Variants in TEKT5 observed in about 807,000 individuals in gnomAD.
TEKT5 encodes the protein tektin-5.
A neutral mutation model predicts 48.7 loss-of-function variants in TEKT5; 52 were observed. The observed-to-expected ratio is 1.07, with a 90% CI of 0.86 to 1.35. The LOEUF is 1.35. Ranked by LOEUF, TEKT5 falls within the 40% of genes most tolerant of loss-of-function variation. The probability of loss-of-function intolerance (pLI) is 0.00; values close to 1 mark genes in which losing one functional copy is unlikely to be tolerated. For synonymous variants in TEKT5, 318 were observed against 267.6 expected, an observed-to-expected ratio of 1.19 and a Z score of -1.84; for missense variants, 831 against 641.6, an observed-to-expected ratio of 1.30 and a Z score of -3.19.
intron 5 of TEKT5, among the ~76,000 whole-genome samples, chr16:10,639,738 C>T (rs1054190297): frequency 6.6e-6 from 1 of 152,220 alleles, no homozygotes; most frequent in Non-Finnish European, 1.5e-5. Flanking sequence ...CTGGCATAAG[C>T]AAAGGTTTGT....
rs572236267 is a variant in TEKT5 at position 10,643,230 on chromosome 16, T to A, written c.1087-7312A>T. On this transcript the variant is annotated intron_variant, in intron 5 of 6. Coordinates refer to ENST00000283025, the MANE Select transcript of TEKT5 (RefSeq NM_144674.2). ...ACCCCATCTCTAAAAAAAAAAAAAA[T>A]TTTCTGGGCCTGGTAGCTGATGTCT... Among the ~76,000 whole-genome samples the A allele has an allele frequency of 5.3e-3, 797 of 150,242 alleles. 9 individuals are homozygous for A. Among genetic ancestry groups the A allele is most frequent in the African/African-American group, 0.019 (756 of 40,696 alleles).
chr16:10,652,451 AACACACACACACACACACACAC>A, intron 5 of TEKT5, among the ~76,000 whole-genome samples: 1 of 66,776 alleles, frequency 1.5e-5, no homozygotes, highest in East Asian at 4.6e-4. Context: ...TACACAGGCA[AACACACACACACACACACACAC>A]ACACACACAC....
chr16:10,656,372 C>T (rs1437378626), intron 5 of TEKT5, among the ~76,000 whole-genome samples: 2 of 152,350 alleles, frequency 1.3e-5, no homozygotes, highest in African/African-American at 4.8e-5. Context: ...CCACCTCAGC[C>T]TCCTGAGTAC....
At chr16:10,674,222 G>T (rs1898600815) in intron 5 of TEKT5, among the ~76,000 whole-genome samples, 1 of 151,914 alleles carries the variant, frequency 6.6e-6, no homozygotes, top group South Asian at 2.1e-4. Context: ...CTGTTGATCT[G>T]TTCTCGGTGG....
rs534357204 is a variant in TEKT5, at chr16:10,636,411, G to A, written c.1087-493C>T. Among the ~76,000 whole-genome samples the A allele has an allele frequency of 2.9e-4, 44 of 151,476 alleles. No homozygotes were observed. The South Asian group carries it at 8.8e-3, about 30-fold the overall frequency. On this transcript the variant is annotated intron_variant, in intron 5 of 6. Transcript: ENST00000283025. ...AAAGGGTTAGAAACCCTGAGAAGCC[G>A]CTTCAGGTATCCTCTTGTCACCGGG...
intron 1 of TEKT5, among the ~76,000 whole-genome samples, chr16:10,693,589 C>T (rs1411435969): frequency 6.6e-6 from 1 of 152,172 alleles, no homozygotes; most frequent in Non-Finnish European, 1.5e-5. Flanking sequence ...ACATCAGTGA[C>T]AAAGCAGGCA....
intron 4 of TEKT5, among the ~76,000 whole-genome samples, chr16:10,678,889 G>C (rs540243985): frequency 6.6e-6 from 1 of 152,288 alleles, no homozygotes; most frequent in African/African-American, 2.4e-5. Context: ...GTCTCAGTAG[G>C]GGGAAGTGCT....
chr16:10,672,442 A>T (rs903000651), intron 5 of TEKT5, among the ~76,000 whole-genome samples: 1 of 152,058 alleles, frequency 6.6e-6, no homozygotes, highest in Admixed American at 6.5e-5. Context: ...AAATACAAAA[A>T]TTAGCTGGGG....
At chr16:10,676,612 G>A (rs1016596661) in intron 4 of TEKT5, among the ~76,000 whole-genome samples, 3 of 152,150 alleles carry the variant, frequency 2.0e-5, no homozygotes, top group African/African-American at 2.4e-5. Flanking sequence ...GAAACACAAC[G>A]TGGACAAGCC....
chr16:10,652,794 A>ACACACACACC (rs1567228424), intron 5 of TEKT5, among the ~76,000 whole-genome samples: 17 of 49,402 alleles, frequency 3.4e-4, no homozygotes, highest in Non-Finnish European at 6.6e-4. Flanking sequence ...ACACACACAC[A>ACACACACACC]CCCTCCAGGC....
chr16:10,646,879 G>A (rs1898078485), intron 5 of TEKT5, among the ~76,000 whole-genome samples: 1 of 152,226 alleles, frequency 6.6e-6, no homozygotes, highest in South Asian at 2.1e-4. Flanking sequence ...TGCCCAGAAT[G>A]TGAGTGGCAT....
chr16:10,652,958 CTT>C (rs1038046364), intron 5 of TEKT5, among the ~76,000 whole-genome samples: 2 of 151,128 alleles, frequency 1.3e-5, no homozygotes, highest in Non-Finnish European at 2.9e-5. Flanking sequence ...AGAACAATCT[CTT>C]ATATACACAG....
chr16:10,638,249 G>C (rs1195562938), intron 5 of TEKT5, among the ~76,000 whole-genome samples: 1 of 152,046 alleles, frequency 6.6e-6, no homozygotes, highest in Non-Finnish European at 1.5e-5. Context: ...CCTTGCACTT[G>C]GCCAACCACA....
chr16:10,666,686 A>G (rs756436729), intron 5 of TEKT5, among the ~76,000 whole-genome samples: 8 of 152,220 alleles, frequency 5.3e-5, no homozygotes, highest in Non-Finnish European at 8.8e-5. Flanking sequence ...GAGTGTCTGC[A>G]TGGGTGGATC....
chr16:10,669,367 G>A (rs1381948456), intron 5 of TEKT5, among the ~76,000 whole-genome samples: 6 of 137,658 alleles, frequency 4.4e-5, no homozygotes, highest in Non-Finnish European at 6.7e-5. Context: ...GCTGAGGCAG[G>A]AGAATCGCTT....
At chr16:10,678,348 C>T (rs1363376991) in intron 4 of TEKT5, among the ~76,000 whole-genome samples, 2 of 152,168 alleles carry the variant, frequency 1.3e-5, no homozygotes, top group South Asian at 2.1e-4. Context: ...TCGCCCACCT[C>T]AGCCTCCCAA....
intron 3 of TEKT5, among the ~76,000 whole-genome samples, chr16:10,684,395 C>T (rs1898817621): frequency 1.4e-5 from 2 of 141,802 alleles, no homozygotes; most frequent in Non-Finnish European, 1.5e-5. Context: ...TCCCCTCCAT[C>T]TTTTTTTTTT....
At chr16:10,639,784 A>T (rs1897964506) in intron 5 of TEKT5, among the ~76,000 whole-genome samples, 2 of 152,222 alleles carry the variant, frequency 1.3e-5, no homozygotes, top group Admixed American at 1.3e-4. Context: ...ACTGGTTCAC[A>T]GCAGGGTAGG....
intron 5 of TEKT5, among the ~76,000 whole-genome samples, chr16:10,638,987 A>G (rs76674464): frequency 0.038 from 5,739 of 152,358 alleles, 137 homozygotes; most frequent in South Asian, 0.073. Flanking sequence ...GATTTACAAC[A>G]TAAGGGTCCC....
Sources: gnomAD v4.1 joint callset for allele counts (sites outside exome capture counted in the v4.1 genomes callset) on GRCh38, gnomAD v4.1.1 for gene constraint, MANE v1.5 for transcripts, NCBI Gene and HGNC (gene_info 2026-07-23, HGNC 2026-07-21) for gene names.